PCDH9: variants seen among roughly 807,000 people sequenced by gnomAD.
PCDH9 encodes the protein protocadherin-9.
A neutral mutation model predicts 70.6 loss-of-function variants in PCDH9; 24 were observed. The ratio of observed to expected loss-of-function variants is 0.34; its 90% confidence interval spans 0.25 to 0.48. The LOEUF (loss-of-function observed/expected upper bound fraction) is 0.48. Among genes scored for constraint, PCDH9 ranks in the 20% least tolerant of loss-of-function variants. The pLI, the probability that PCDH9 is intolerant of heterozygous loss-of-function variation, is 0.99. For missense variants in PCDH9, 1,281 were observed against 1,503.6 expected (o/e 0.85, Z 2.45); for synonymous variants, 562 against 558.5 (o/e 1.01, Z -0.09).
chr13:67,015,920 T>C (rs2084551579), intron 2 of PCDH9, among the ~76,000 whole-genome samples: 1 of 152,172 alleles, frequency 6.6e-6, no homozygotes, highest in Non-Finnish European at 1.5e-5. Flanking sequence ...AAGTTCCTGA[T>C]TGGTAGTGGC....
intron 4 of PCDH9, among the ~76,000 whole-genome samples, chr13:66,426,669 G>C (rs1444661121): frequency 6.6e-6 from 1 of 151,324 alleles, no homozygotes; most frequent in Non-Finnish European, 1.5e-5. Flanking sequence ...AAAGTATCTG[G>C]CATTTATAAA....
At chr13:67,129,170 A>G (rs2087048592) in intron 2 of PCDH9, among the ~76,000 whole-genome samples, 1 of 152,198 alleles carries the variant, frequency 6.6e-6, no homozygotes, top group Admixed American at 6.5e-5. Context: ...ACATCGTTGT[A>G]AAGTACAGAA....
chr13:66,684,257 G>A (rs1396009971), intron 3 of PCDH9, among the ~76,000 whole-genome samples: 1 of 152,148 alleles, frequency 6.6e-6, no homozygotes, highest in Non-Finnish European at 1.5e-5. Context: ...CTTCTTGGTT[G>A]TCCTGGAAAA....
At chr13:66,693,297 G>A (rs1228797516) in intron 3 of PCDH9, among the ~76,000 whole-genome samples, 2 of 151,904 alleles carry the variant, frequency 1.3e-5, no homozygotes, top group East Asian at 3.9e-4. Flanking sequence ...AATATATATT[G>A]ATTATAAATC....
At chr13:66,455,494 T>C (rs1032760282) in intron 4 of PCDH9, among the ~76,000 whole-genome samples, 16 of 152,064 alleles carry the variant, frequency 1.1e-4, no homozygotes, top group African/African-American at 3.6e-4. Context: ...CTTGCCCCAA[T>C]CACTCTTGGA....
In PCDH9 at chr13:66,980,730, G is replaced by GTTTTTTTTTTTTTTTTTTTTTT; in HGVS notation, c.3037-77126_3037-77125insAAAAAAAAAAAAAAAAAAAAAA. ...TTTGTTTTTTCCTGTTTTTTTCTTT[G>GTTTTTTTTTTTTTTTTTTTTTT]TTTTTTTTTTTGTTTTTTTTTTTAC... On this transcript the variant is annotated intron_variant, in intron 2 of 4. Coordinates refer to ENST00000377865, the MANE Select transcript of PCDH9 (RefSeq NM_203487.3). Among the ~76,000 whole-genome samples, 19 of 70,886 alleles carry GTTTTTTTTTTTTTTTTTTTTTT rather than the reference G, an allele frequency of 2.7e-4. 1 individual carries two copies. Among genetic ancestry groups the GTTTTTTTTTTTTTTTTTTTTTT allele is most frequent in the Non-Finnish European group, 4.0e-4 (15 of 37,610 alleles). 46.5% of individuals were successfully genotyped at this position (70,886 alleles called of 152,430 possible).
At chr13:67,031,168 G>A (rs1282131184) in intron 2 of PCDH9, among the ~76,000 whole-genome samples, 4 of 152,060 alleles carry the variant, frequency 2.6e-5, no homozygotes, top group Non-Finnish European at 2.9e-5. Context: ...CATTGAAAGC[G>A]GGTGTTAAGT....
chr13:66,646,597 G>C (rs1008510451), intron 3 of PCDH9, among the ~76,000 whole-genome samples: 2 of 152,060 alleles, frequency 1.3e-5, no homozygotes, highest in Non-Finnish European at 2.9e-5. Context: ...ATGAAAAACT[G>C]TTACTTATCT....
chr13:66,670,025 C>A (rs554447862), intron 3 of PCDH9, among the ~76,000 whole-genome samples: 2 of 152,272 alleles, frequency 1.3e-5, no homozygotes, highest in Admixed American at 1.3e-4. Context: ...CTTCCTTGAA[C>A]ACCATATATA....
intron 3 of PCDH9, among the ~76,000 whole-genome samples, chr13:66,854,267 A>T (rs1680232257): frequency 6.6e-6 from 1 of 152,190 alleles, no homozygotes. Flanking sequence ...GTAAAACAGC[A>T]GTATAGTCAT....
At chr13:66,552,879 G>T (rs1246726680) in intron 4 of PCDH9, among the ~76,000 whole-genome samples, 1 of 152,116 alleles carries the variant, frequency 6.6e-6, no homozygotes, top group Non-Finnish European at 1.5e-5. Context: ...GACTGGGGAG[G>T]TCTCAGGAAA....
intron 2 of PCDH9, among the ~76,000 whole-genome samples, chr13:67,061,768 C>T (rs1284946279): frequency 6.6e-6 from 1 of 152,040 alleles, no homozygotes; most frequent in Non-Finnish European, 1.5e-5. Flanking sequence ...TAAAGAAAAA[C>T]AACCTTCCTA....
chr13:66,910,163 A>G lies in PCDH9; in HGVS notation c.3037-6558T>C, dbSNP rs570705532. ...AGCACTTCCTTTCTCCTTTGTTCCA[A>G]CAAGCCATTTTATTTTTTAACCAGG... On this transcript the variant is annotated intron_variant, in intron 2 of 4. Coordinates refer to ENST00000377865, the MANE Select transcript of PCDH9 (RefSeq NM_203487.3). Among the ~76,000 whole-genome samples, 5 of 152,238 alleles carry G rather than the reference A, an allele frequency of 3.3e-5. No individual in the cohort carries two copies. In the South Asian group the frequency reaches 1.0e-3, roughly 32 times the overall value.
chr13:67,127,329 C>T (rs761055430), intron 2 of PCDH9, among the ~76,000 whole-genome samples: 6 of 152,230 alleles, frequency 3.9e-5, no homozygotes, highest in Middle Eastern at 3.4e-3. Flanking sequence ...CTGTACATAG[C>T]GGTCCAGACG....
At chr13:66,310,145 T>C (rs1236020571) in intron 4 of PCDH9, among the ~76,000 whole-genome samples, 1 of 151,994 alleles carries the variant, frequency 6.6e-6, no homozygotes, top group Non-Finnish European at 1.5e-5. Context: ...AAATCACAAG[T>C]GCAAATAACA....
chr13:67,094,547 G>A (rs1357699002), intron 2 of PCDH9, among the ~76,000 whole-genome samples: 2 of 152,060 alleles, frequency 1.3e-5, no homozygotes, highest in African/African-American at 4.8e-5. Context: ...TTGGTAATAA[G>A]GTTAAGTAAC....
intron 3 of PCDH9, among the ~76,000 whole-genome samples, chr13:66,812,489 C>T (rs2080527201): frequency 1.3e-5 from 2 of 152,110 alleles, no homozygotes. Flanking sequence ...TCTGATGATA[C>T]TAAGGAAGAA....
At chr13:66,994,334 G>A (rs2084064041) in intron 2 of PCDH9, among the ~76,000 whole-genome samples, 1 of 152,184 alleles carries the variant, frequency 6.6e-6, no homozygotes, top group Non-Finnish European at 1.5e-5. Flanking sequence ...GGAACGGCCT[G>A]CAAAGCCGGA....
intron 3 of PCDH9, among the ~76,000 whole-genome samples, chr13:66,892,201 T>C (rs1185546637): frequency 2.0e-5 from 3 of 148,782 alleles, no homozygotes; most frequent in African/African-American, 2.5e-5. Flanking sequence ...ATATGTGTTA[T>C]GTGTGTGTAT....
Sources: gnomAD v4.1 joint callset for allele counts (sites outside exome capture counted in the v4.1 genomes callset) on GRCh38, gnomAD v4.1.1 for gene constraint, MANE v1.5 for transcripts, NCBI Gene and HGNC (gene_info 2026-07-23, HGNC 2026-07-21) for gene names.